Variants in RFX3 observed in about 807,000 individuals in gnomAD.
RFX3 encodes the protein regulatory factor X3.
In RFX3, 14 loss-of-function variants were observed where a neutral mutation model predicts 98.6. That is an observed-to-expected ratio of 0.14 (90% CI 0.09 to 0.22). RFX3 has a LOEUF of 0.22. Ranked by LOEUF, RFX3 falls within the 10% of genes least tolerant of loss-of-function variation. The pLI is 1.00. For synonymous variants in RFX3, 383 were observed against 328.4 expected (o/e 1.17, Z -1.80); for missense variants, 639 against 926.9 (o/e 0.69, Z 4.03).
At chr9:3,488,973 A>AGTC in intron 1 of RFX3, 5 of 724,562 alleles carry the variant, frequency 6.9e-6, no homozygotes, top group Non-Finnish European at 8.4e-6. Flanking sequence ...CTATTTCATC[A>AGTC]TCACATCTTT....
chr9:3,322,483 G>A (rs563731464), intron 4 of RFX3, among the ~76,000 whole-genome samples: 1 of 152,260 alleles, frequency 6.6e-6, no homozygotes, highest in South Asian at 2.1e-4. Flanking sequence ...TGTAATCCCA[G>A]CACTTTGGGA....
chr9:3,260,595 C>A (rs1402247526), intron 13 of RFX3, among the ~76,000 whole-genome samples: 6 of 151,712 alleles, frequency 4.0e-5, no homozygotes, highest in African/African-American at 1.4e-4. Flanking sequence ...ACTTCTTCAA[C>A]TCTTCTTAAG....
intron 2 of RFX3, among the ~76,000 whole-genome samples, chr9:3,392,373 G>C (rs1223324809): frequency 2.0e-5 from 3 of 150,754 alleles, no homozygotes; most frequent in Non-Finnish European, 4.4e-5. Context: ...AAAGGTAAAA[G>C]AAAACCATGA....
chr9:3,328,236 G>C (rs1832152289), intron 4 of RFX3, among the ~76,000 whole-genome samples: 1 of 152,142 alleles, frequency 6.6e-6, no homozygotes, highest in African/African-American at 2.4e-5. Context: ...TAATTTTCTA[G>C]GTGGCCTATA....
intron 1 of RFX3, among the ~76,000 whole-genome samples, chr9:3,434,957 G>A (rs1844983006): frequency 6.6e-6 from 1 of 151,872 alleles, no homozygotes; most frequent in African/African-American, 2.4e-5. Flanking sequence ...TTACTGTGCT[G>A]AATATTATAG....
intron 3 of RFX3, among the ~76,000 whole-genome samples, chr9:3,337,538 GAC>G (rs1381445432): frequency 6.6e-6 from 1 of 152,190 alleles, no homozygotes; most frequent in East Asian, 1.9e-4. Flanking sequence ...TGGAAATGGT[GAC>G]ACACTGTAAG....
At chr9:3,315,163 T>A (rs1292301509) in intron 4 of RFX3, among the ~76,000 whole-genome samples, 1 of 152,106 alleles carries the variant, frequency 6.6e-6, no homozygotes, top group South Asian at 2.1e-4. Flanking sequence ...ACAGAAATTA[T>A]AACAAACTGT....
chr9:3,258,910 T>C (rs780331074), intron 13 of RFX3, among the ~76,000 whole-genome samples: 6 of 151,698 alleles, frequency 4.0e-5, no homozygotes, highest in Non-Finnish European at 8.9e-5. Context: ...TATATGCTTA[T>C]ACATACTTAA....
intron 11 of RFX3, among the ~76,000 whole-genome samples, chr9:3,268,188 G>A (rs932283892): frequency 6.6e-6 from 1 of 151,592 alleles, no homozygotes; most frequent in Non-Finnish European, 1.5e-5. Flanking sequence ...GAATATAGTA[G>A]CTTCAAGCTG....
At chr9:3,350,001 G>C (rs1045278442) in intron 2 of RFX3, among the ~76,000 whole-genome samples, 23 of 152,000 alleles carry the variant, frequency 1.5e-4, no homozygotes, top group African/African-American at 3.9e-4. Context: ...CCAAAACTTT[G>C]AGAAAGATTG....
At chr9:3,377,332 A>G (rs1838656600) in intron 2 of RFX3, among the ~76,000 whole-genome samples, 1 of 152,188 alleles carries the variant, frequency 6.6e-6, no homozygotes, top group Non-Finnish European at 1.5e-5. Context: ...TTCTCAGCAA[A>G]CTATCGCAGG....
At chr9:3,381,083 C>T (rs1839139584) in intron 2 of RFX3, among the ~76,000 whole-genome samples, 1 of 151,860 alleles carries the variant, frequency 6.6e-6, no homozygotes. Context: ...TCTAAAAGTG[C>T]TTGGGAAAAT....
At chr9:3,453,258 C>A (rs1239239397) in intron 1 of RFX3, among the ~76,000 whole-genome samples, 1 of 151,984 alleles carries the variant, frequency 6.6e-6, no homozygotes, top group Non-Finnish European at 1.5e-5. Context: ...GTAAACACCC[C>A]CCAAGTGTAA....
intron 1 of RFX3, among the ~76,000 whole-genome samples, chr9:3,477,096 T>C (rs910695958): frequency 2.6e-5 from 4 of 152,284 alleles, no homozygotes; most frequent in South Asian, 2.1e-4. Flanking sequence ...ATTTTTGTTT[T>C]ACCTGAAACC....
intron 6 of RFX3, among the ~76,000 whole-genome samples, chr9:3,292,061 C>CAAAAAAAAAAAAAAAAAAAAAA (rs58788880): frequency 8.4e-5 from 2 of 23,946 alleles, no homozygotes; most frequent in African/African-American, 1.4e-4. Flanking sequence ...GACTCCATCT[C>CAAAAAAAAAAAAAAAAAAAAAA]AAAAAAAAAA....
intron 1 of RFX3, among the ~76,000 whole-genome samples, chr9:3,504,101 T>C (rs924363304): frequency 5.7e-4 from 78 of 137,612 alleles, no homozygotes; most frequent in Non-Finnish European, 9.3e-4. Flanking sequence ...CAATACATCT[T>C]TCTCTCTCTC....
intron 1 of RFX3, among the ~76,000 whole-genome samples, chr9:3,432,819 C>G (rs1414252121): frequency 2.6e-5 from 4 of 152,094 alleles, no homozygotes; most frequent in African/African-American, 9.7e-5. Context: ...TCTTTTATGA[C>G]TTGGATGCTT....
intron 3 of RFX3, among the ~76,000 whole-genome samples, chr9:3,344,509 C>G (rs1269421335): frequency 6.6e-6 from 1 of 152,110 alleles, no homozygotes; most frequent in Non-Finnish European, 1.5e-5. Flanking sequence ...TCATACATAA[C>G]AGACTAATCT....
rs1004270932 is a variant in RFX3, at chr9:3,224,042, C to G, written c.*1000G>C. The stretch of plus-strand genomic sequence containing the variant: ...TGTAGGTTGCTACATTCCTTGCATT[C>G]TATAAATTCTCGTTTATAATAGCAG... On this transcript the variant is annotated 3_prime_UTR_variant, in exon 17 of 17. Coordinates refer to ENST00000617270, the MANE Select transcript of RFX3 (RefSeq NM_001282116.2). 2 of 152,060 alleles carry G rather than the reference C, an allele frequency of 1.3e-5. No homozygotes were observed. Among genetic ancestry groups the G allele is most frequent in the Non-Finnish European group, 1.5e-5 (1 of 68,018 alleles). 9.4% of individuals were successfully genotyped at this position (152,060 alleles called of 1,614,324 possible). A position where few individuals can be genotyped will look rare whatever the true frequency, so the allele number is the denominator to read the frequency against.
Sources: gnomAD v4.1 joint callset for allele counts (sites outside exome capture counted in the v4.1 genomes callset) on GRCh38, gnomAD v4.1.1 for gene constraint, MANE v1.5 for transcripts, NCBI Gene and HGNC (gene_info 2026-07-23, HGNC 2026-07-21) for gene names.